FBLN5: variants seen among roughly 807,000 people sequenced by gnomAD.
The protein encoded by FBLN5 is fibulin-5.
A neutral mutation model predicts 61.6 loss-of-function variants in FBLN5; 24 were observed. That is an observed-to-expected ratio of 0.39 (90% CI 0.28 to 0.55). FBLN5 has a LOEUF of 0.55. FBLN5 is among the 20% of genes least tolerant of loss of function. The pLI is 0.65. For missense variants in FBLN5, 470 were observed against 594.1 expected (o/e 0.79, Z 2.17); for synonymous variants, 213 against 219.8 (o/e 0.97, Z 0.27).
chr14:91,903,441 A>G (rs886657280), intron 4 of FBLN5, among the ~76,000 whole-genome samples: 2 of 152,208 alleles, frequency 1.3e-5, no homozygotes, highest in African/African-American at 4.8e-5. Flanking sequence ...CAGTGAGGAG[A>G]AAGGACAACA....
intron 4 of FBLN5, among the ~76,000 whole-genome samples, chr14:91,936,533 C>A (rs751343990): frequency 3.9e-5 from 6 of 152,122 alleles, no homozygotes; most frequent in African/African-American, 1.2e-4. Flanking sequence ...ATCAAGGGTG[C>A]GGGGGCTGAG....
At chr14:91,877,901 G>A (rs1041359935) in intron 9 of FBLN5, 9 of 642,430 alleles carry the variant, frequency 1.4e-5, no homozygotes, top group South Asian at 7.8e-5. Context: ...CCAACCAGAT[G>A]TTCTGGCTAC....
chr14:91,876,638 T>A (rs1595292366), intron 10 of FBLN5, among the ~76,000 whole-genome samples: 2 of 151,556 alleles, frequency 1.3e-5, no homozygotes. Flanking sequence ...GATATTGGAG[T>A]GATGCAGCCA....
chr14:91,928,761 G>A (rs2055872702), intron 4 of FBLN5, among the ~76,000 whole-genome samples: 1 of 149,530 alleles, frequency 6.7e-6, no homozygotes, highest in South Asian at 2.1e-4. Context: ...GGATAACAGA[G>A]CAAGACCCTG....
rs1595347356 is a variant in FBLN5, at chr14:91,937,117, G to A, written c.209C>T (p.Pro70Leu). 1 of 1,614,080 alleles carries A rather than the reference G, an allele frequency of 6.2e-7. No individual in the cohort carries two copies. Among genetic ancestry groups the A allele is most frequent in the Non-Finnish European group, 8.5e-7 (1 of 1,180,022 alleles). ...CCCTCGATACACAGGGTTTGTCCGG[G>A]GAATGCATAAATACCCGCCATTTTG... Reference protein sequence around the residue: ...VNQNGGYLCIPRTNPVYRGPY... With the variant: ...VNQNGGYLCILRTNPVYRGPY... Residue 70 changes from proline to leucine, a missense_variant, in exon 4 of 11, where the codon CCC becomes CTC. By Grantham distance (98) the Pro-to-Leu change is moderately conservative. Coordinates refer to ENST00000342058, the MANE Select transcript of FBLN5 (RefSeq NM_006329.4).
Position 91,927,004 on chromosome 14 carries a change from G to A in FBLN5, c.379+9943C>T, listed in dbSNP as rs965943498. On this transcript the variant is annotated intron_variant, in intron 4 of 10. Coordinates refer to ENST00000342058, the MANE Select transcript of FBLN5 (RefSeq NM_006329.4). Reference sequence around the variant, plus strand: ...TCTGTGTGAATCTAAGCCCATGCTCGTTCCACTGCATCACACTCTCTACCA... The same window carrying A: ...TCTGTGTGAATCTAAGCCCATGCTCATTCCACTGCATCACACTCTCTACCA... Among the ~76,000 whole-genome samples the A allele has an allele frequency of 3.3e-5, 5 of 152,144 alleles. No individual in the cohort carries two copies. In the East Asian group the frequency reaches 5.8e-4, roughly 18 times the overall value.
chr14:91,871,958 G>A (rs999984716), intron 10 of FBLN5, among the ~76,000 whole-genome samples: 2 of 152,108 alleles, frequency 1.3e-5, no homozygotes, highest in Non-Finnish European at 2.9e-5. Context: ...TCTTATAAAT[G>A]CAGAATCTCA....
chr14:91,932,018 T>C (rs761261216), intron 4 of FBLN5, among the ~76,000 whole-genome samples: 3 of 152,164 alleles, frequency 2.0e-5, no homozygotes, highest in Non-Finnish European at 4.4e-5. Context: ...TTGGCCTCTG[T>C]CTGGGTCTTG....
intron 4 of FBLN5, among the ~76,000 whole-genome samples, chr14:91,900,453 T>C (rs1430976584): frequency 6.6e-6 from 1 of 152,324 alleles, no homozygotes; most frequent in African/African-American, 2.4e-5. Context: ...AAATAAAATG[T>C]CCTTTAAAAA....
chr14:91,933,543 C>T lies in FBLN5; in HGVS notation c.379+3404G>A, dbSNP rs113543517. 5.8e-3 allele frequency among the ~76,000 whole-genome samples: 883 copies of T among 152,282 alleles called. 4 individuals are homozygous for T. The highest frequency in any genetic ancestry group is 0.02 in the African/African-American group (812 of 41,556). On this transcript the variant is annotated intron_variant, in intron 4 of 10. Coordinates refer to ENST00000342058, the MANE Select transcript of FBLN5 (RefSeq NM_006329.4). The stretch of plus-strand genomic sequence containing the variant: ...TCGGCCTCCCAAAGTGCTGGGATTA[C>T]AGGCATGAGCCACCGTGCCTGGCCT...
intron 4 of FBLN5, among the ~76,000 whole-genome samples, chr14:91,925,775 A>G (rs1202988751): frequency 6.6e-6 from 1 of 152,134 alleles, no homozygotes; most frequent in Non-Finnish European, 1.5e-5. Context: ...TGTACATTAG[A>G]TTGCATCTAA....
chr14:91,891,468 C>G (rs1015788374), intron 5 of FBLN5, 131 bp from the exon 6 acceptor site: 107 of 748,290 alleles, frequency 1.4e-4, no homozygotes, highest in Non-Finnish European at 2.0e-5. Flanking sequence ...GGAGCCAAGA[C>G]AGTGCCTACT....
chr14:91,883,948 G>A (rs1889605604), intron 7 of FBLN5, among the ~76,000 whole-genome samples: 1 of 152,206 alleles, frequency 6.6e-6, no homozygotes, highest in South Asian at 2.1e-4. Flanking sequence ...TTTGGCAACA[G>A]AGCCCCTGTT....
chr14:91,891,893 C>A (rs752898478), intron 5 of FBLN5, among the ~76,000 whole-genome samples: 5 of 152,172 alleles, frequency 3.3e-5, no homozygotes, highest in Non-Finnish European at 5.9e-5. Context: ...GGAACAAGAG[C>A]CAGTTAGGCT....
chr14:91,934,596 C>T (rs1174974995), intron 4 of FBLN5, among the ~76,000 whole-genome samples: 4 of 152,180 alleles, frequency 2.6e-5, no homozygotes, highest in Admixed American at 6.5e-5. Flanking sequence ...TCCTCCTCTC[C>T]TAGAACACTA....
chr14:91,912,577 G>A (rs559538932), intron 4 of FBLN5, among the ~76,000 whole-genome samples: 6 of 152,190 alleles, frequency 3.9e-5, no homozygotes, highest in Admixed American at 2.0e-4. Flanking sequence ...CCCAGGAGGC[G>A]GAGGTTGCAG....
At chr14:91,881,819 A>G (rs1263031554) in intron 8 of FBLN5, among the ~76,000 whole-genome samples, 1 of 151,808 alleles carries the variant, frequency 6.6e-6, no homozygotes, top group African/African-American at 2.4e-5. Flanking sequence ...AATGTAAAAC[A>G]TCTCATCAAT....
At chr14:91,883,707 A>G in intron 7 of FBLN5, among the ~76,000 whole-genome samples, 1 of 151,634 alleles carries the variant, frequency 6.6e-6, no homozygotes, top group Admixed American at 6.6e-5. Flanking sequence ...AAACTGCCTG[A>G]AAGAGAAAAC....
rs538392500 is a variant in FBLN5, at chr14:91,877,394, C to A, written c.1185+93G>T. 5.7e-6 allele frequency: 6 copies of A among 1,048,342 alleles called. No individual in the cohort carries two copies. The African/African-American group carries it at 7.8e-5, about 14-fold the overall frequency. 64.9% of individuals were successfully genotyped at this position (1,048,342 alleles called of 1,614,324 possible). ...CTCTCTGCCTACCTGTCCCCCAGCC[C>A]CACTCTTACCTGCTTGCATACAGCA... On this transcript the variant is annotated intron_variant, in intron 10 of 10. Coordinates refer to ENST00000342058, the MANE Select transcript of FBLN5 (RefSeq NM_006329.4).
Sources: gnomAD v4.1 joint callset for allele counts (sites outside exome capture counted in the v4.1 genomes callset) on GRCh38, gnomAD v4.1.1 for gene constraint, MANE v1.5 for transcripts, NCBI Gene and HGNC (gene_info 2026-07-23, HGNC 2026-07-21) for gene names.